The following RAPGEF4 variants were observed in gnomAD, a reference collection of about 807,000 sequenced individuals.
The protein encoded by RAPGEF4 is RAP guanine-nucleotide-exchange factor (GEF) 4.
Under a neutral mutation model 147.9 loss-of-function variants are expected in RAPGEF4, and 66 were observed. That is an observed-to-expected ratio of 0.45 (90% CI 0.37 to 0.55). The LOEUF (loss-of-function observed/expected upper bound fraction) is 0.55, where lower values mean the gene tolerates loss of function less well. Ranked by LOEUF, RAPGEF4 falls within the 20% of genes least tolerant of loss-of-function variation. The pLI is 0.00. For missense variants in RAPGEF4, 1,071 were observed against 1,257.3 expected (o/e 0.85, Z 2.24); for synonymous variants, 419 against 442.7 (o/e 0.95, Z 0.67).
chr2:173,038,317 C>G (rs764575932), intron 29 of RAPGEF4, among the ~76,000 whole-genome samples: 1 of 152,152 alleles, frequency 6.6e-6, no homozygotes, highest in Non-Finnish European at 1.5e-5. Flanking sequence ...TTGGCAAATG[C>G]GTAAAGAAAC....
At chr2:172,774,824 A>G (rs1015919302) in intron 1 of RAPGEF4, among the ~76,000 whole-genome samples, 7 of 152,366 alleles carry the variant, frequency 4.6e-5, no homozygotes, top group South Asian at 2.1e-4. Flanking sequence ...TAATTCTCAA[A>G]TAACTTTTCA....
intron 26 of RAPGEF4, among the ~76,000 whole-genome samples, chr2:173,033,482 A>C (rs948575281): frequency 6.6e-6 from 1 of 152,212 alleles, no homozygotes; most frequent in African/African-American, 2.4e-5. Flanking sequence ...AGTTTACCTT[A>C]TAAGGGAGGA....
chr2:173,026,545 G>T, intron 23 of RAPGEF4, 27 bp from the exon 24 acceptor site: 1 of 1,606,328 alleles, frequency 6.2e-7, no homozygotes, highest in South Asian at 1.1e-5. Flanking sequence ...TTGAGTTTCT[G>T]ATATGTTTTT....
intron 30 of RAPGEF4, among the ~76,000 whole-genome samples, chr2:173,051,221 G>A (rs983314415): frequency 7.9e-5 from 12 of 152,164 alleles, no homozygotes; most frequent in South Asian, 2.1e-4. Context: ...GATGTTAAGC[G>A]CTTTTGTGAG....
At chr2:172,769,638 AT>A (rs1239109250) in intron 1 of RAPGEF4, among the ~76,000 whole-genome samples, 1 of 152,138 alleles carries the variant, frequency 6.6e-6, no homozygotes, top group Admixed American at 6.5e-5. Flanking sequence ...AAAGCAGCAT[AT>A]TTTGGGGTAT....
intron 4 of RAPGEF4, among the ~76,000 whole-genome samples, chr2:172,820,684 T>A (rs952290629): frequency 6.6e-6 from 1 of 152,188 alleles, no homozygotes; most frequent in Non-Finnish European, 1.5e-5. Context: ...AACTGAGTGG[T>A]AAAAATAAGA....
At chr2:172,821,454 C>A in intron 4 of RAPGEF4, 1 of 536,476 alleles carries the variant, frequency 1.9e-6, no homozygotes, top group Non-Finnish European at 2.4e-6. Context: ...CTTCTCAGGC[C>A]AGAAATTTGC....
At position 172,859,604 on chromosome 2, in the gene RAPGEF4, C is replaced by T. The variant is rs1693799385; in HGVS notation, c.444+45179C>T. On this transcript the variant is annotated intron_variant, in intron 4 of 30. Coordinates refer to ENST00000397081, the MANE Select transcript of RAPGEF4 (RefSeq NM_007023.4). ...TGCTAAGTCATAGCTCAATATAGCTCATTAAAATAAACATTTAAGCATGTG... is the reference window on the plus strand; with the variant it reads ...TGCTAAGTCATAGCTCAATATAGCTTATTAAAATAAACATTTAAGCATGTG... 2.0e-5 allele frequency among the ~76,000 whole-genome samples: 3 copies of T among 152,130 alleles called. No homozygotes were observed. The South Asian group carries it at 6.2e-4, about 32-fold the overall frequency.
chr2:172,977,522 C>T (rs1046797539), intron 10 of RAPGEF4, among the ~76,000 whole-genome samples: 27 of 152,086 alleles, frequency 1.8e-4, no homozygotes, highest in Non-Finnish European at 2.8e-4. Context: ...ACAGCAGCTC[C>T]GAGCCAGCAG....
chr2:172,747,392 T>C (rs1694875982), intron 1 of RAPGEF4, among the ~76,000 whole-genome samples: 1 of 152,270 alleles, frequency 6.6e-6, no homozygotes, highest in South Asian at 2.1e-4. Context: ...AATTGCAGTT[T>C]GAAATACAGT....
chr2:172,822,130 A>C (rs1689136379), intron 4 of RAPGEF4, among the ~76,000 whole-genome samples: 2 of 152,170 alleles, frequency 1.3e-5, no homozygotes, highest in Admixed American at 1.3e-4. Flanking sequence ...CAGGGACATA[A>C]TTTGATTTCA....
In RAPGEF4 at chr2:173,051,779, G is replaced by A. The variant is rs779046356; in HGVS notation, c.*12G>A. On this transcript the variant is annotated 3_prime_UTR_variant, in exon 31 of 31. Transcript: ENST00000397081. ...CTCGTCGACCATAGACATTTCAAAT[G>A]CCCAAAGCAACAGTTTGTCTCCAGT... The A allele has an allele frequency of 1.2e-6, 2 of 1,612,514 alleles. No homozygotes were observed. Among genetic ancestry groups the A allele is most frequent in the Non-Finnish European group, 1.7e-6 (2 of 1,178,968 alleles).
chr2:172,977,884 C>T (rs550019322), intron 10 of RAPGEF4, among the ~76,000 whole-genome samples: 1 of 152,350 alleles, frequency 6.6e-6, no homozygotes, highest in African/African-American at 2.4e-5. Flanking sequence ...AAGTTCTTTG[C>T]TGCCTGGGTG....
At chr2:172,845,131 G>A (rs1242644280) in intron 4 of RAPGEF4, among the ~76,000 whole-genome samples, 1 of 152,180 alleles carries the variant, frequency 6.6e-6, no homozygotes, top group Admixed American at 6.5e-5. Context: ...GTGACCTAGG[G>A]CATTTGCAAT....
At chr2:172,784,188 G>T (rs577925554) in intron 1 of RAPGEF4, among the ~76,000 whole-genome samples, 2 of 152,020 alleles carry the variant, frequency 1.3e-5, no homozygotes, top group African/African-American at 4.8e-5. Context: ...TACTTTATTC[G>T]CCTGTCATAC....
At chr2:172,771,122 A>G (rs993517421) in intron 1 of RAPGEF4, among the ~76,000 whole-genome samples, 3 of 151,932 alleles carry the variant, frequency 2.0e-5, no homozygotes. Flanking sequence ...TTTATTGTAA[A>G]CAATAAATTA....
chr2:172,966,913 T>G (rs756284628), intron 9 of RAPGEF4, among the ~76,000 whole-genome samples: 2 of 152,222 alleles, frequency 1.3e-5, no homozygotes, highest in African/African-American at 2.4e-5. Flanking sequence ...ACCTGGCAGT[T>G]GGTTCCTTTC....
chr2:173,020,517 T>C, intron 22 of RAPGEF4, 101 bp from the exon 23 acceptor site: 1 of 918,978 alleles, frequency 1.1e-6, no homozygotes, highest in Non-Finnish European at 1.8e-6. Flanking sequence ...CTCTGCGTGT[T>C]CCGGTAATTC....
At chr2:173,018,888 G>GT (rs977630292) in intron 22 of RAPGEF4, 86 bp downstream of exon 22, 73 of 1,433,302 alleles carry the variant, frequency 5.1e-5, no homozygotes, top group Non-Finnish European at 6.5e-5. Context: ...GCGTGGTCAT[G>GT]TGAGGCTCAC....
Sources: allele counts gnomAD v4.1 joint callset (sites outside exome capture counted in the v4.1 genomes callset), GRCh38; gene constraint gnomAD v4.1.1; transcripts MANE v1.5; gene names NCBI Gene and HGNC (gene_info 2026-07-23, HGNC 2026-07-21).